Variants in ADARB2 observed in about 807,000 individuals in gnomAD.
ADARB2 encodes the protein adenosine deaminase RNA specific B2 (inactive).
Under a neutral mutation model 62.2 loss-of-function variants are expected in ADARB2, and 25 were observed. The ratio of observed to expected loss-of-function variants is 0.40; its 90% CI spans 0.29 to 0.56. The LOEUF (loss-of-function observed/expected upper bound fraction) is 0.56, where lower values mean the gene tolerates loss of function less well. ADARB2 is among the 20% of genes least tolerant of loss of function. ADARB2 has a pLI of 0.43. For synonymous variants in ADARB2, 572 were observed against 500.8 expected, an observed-to-expected ratio of 1.14 and a Z score of -1.90; for missense variants, 1,071 against 1,077.4, an observed-to-expected ratio of 0.99 and a Z score of 0.08.
chr10:1,284,887 GCCC>G (rs1240235506), intron 3 of ADARB2, among the ~76,000 whole-genome samples: 40 of 152,236 alleles, frequency 2.6e-4, no homozygotes, highest in African/African-American at 9.1e-4. Context: ...TCATGGTCTG[GCCC>G]ACCTTCAGTC....
chr10:1,475,552 G>T (rs1437279460), intron 1 of ADARB2, among the ~76,000 whole-genome samples: 1 of 152,212 alleles, frequency 6.6e-6, no homozygotes, highest in African/African-American at 2.4e-5. Context: ...TGCCCCAGAT[G>T]AATTTGAAAA....
intron 3 of ADARB2, among the ~76,000 whole-genome samples, chr10:1,355,022 G>A (rs968201086): frequency 2.0e-5 from 3 of 152,082 alleles, no homozygotes; most frequent in Non-Finnish European, 4.4e-5. Context: ...GCACCTCCCT[G>A]AGGGCTCCCA....
At chr10:1,328,165 A>C (rs1276333035) in intron 3 of ADARB2, among the ~76,000 whole-genome samples, 1 of 152,184 alleles carries the variant, frequency 6.6e-6, no homozygotes, top group Non-Finnish European at 1.5e-5. Context: ...GAAATAGAGG[A>C]GTCAGTGTGT....
rs115957427 is a variant in ADARB2 at position 1,553,169 on chromosome 10, G to A, written c.101-174009C>T. On this transcript the variant is annotated intron_variant, in intron 1 of 9. Transcript: ENST00000381312. ...TGGCTCATAACATTGGGAAATGACTGTTTTAATCGTTAATTACCAAAAAAA... is the reference window on the plus strand; with the variant it reads ...TGGCTCATAACATTGGGAAATGACTATTTTAATCGTTAATTACCAAAAAAA... 4.7e-3 allele frequency among the ~76,000 whole-genome samples: 716 copies of A among 152,334 alleles called. 2 individuals are homozygous for A. Among genetic ancestry groups the A allele is most frequent in the Middle Eastern group, 0.014 (4 of 294 alleles).
At chr10:1,589,635 G>A (rs1443843442) in intron 1 of ADARB2, among the ~76,000 whole-genome samples, 4 of 152,166 alleles carry the variant, frequency 2.6e-5, no homozygotes, top group East Asian at 1.9e-4. Context: ...TTCTGTCCTC[G>A]GCTGCTTGTC....
chr10:1,291,041 G>T (rs1447282512), intron 3 of ADARB2: 1 of 152,164 alleles, frequency 6.6e-6, no homozygotes, highest in African/African-American at 2.4e-5. Context: ...GATTTAAAAA[G>T]ATAAAAACCA....
chr10:1,520,838 C>T (rs1196791058), intron 1 of ADARB2, among the ~76,000 whole-genome samples: 1 of 152,214 alleles, frequency 6.6e-6, no homozygotes, highest in Non-Finnish European at 1.5e-5. Flanking sequence ...ATGTTGATAT[C>T]AAATGATATT....
intron 1 of ADARB2, among the ~76,000 whole-genome samples, chr10:1,663,351 C>A (rs887696554): frequency 6.6e-6 from 1 of 152,146 alleles, no homozygotes; most frequent in African/African-American, 2.4e-5. Flanking sequence ...CTGAGAATTG[C>A]GACAAGTGCA....
At chr10:1,701,952 G>C (rs1564199020) in intron 1 of ADARB2, among the ~76,000 whole-genome samples, 1 of 152,364 alleles carries the variant, frequency 6.6e-6, no homozygotes, top group South Asian at 2.1e-4. Flanking sequence ...CCATGGTATA[G>C]AGGCGTGTGT....
chr10:1,286,012 A>C (rs1448907063), intron 3 of ADARB2, among the ~76,000 whole-genome samples: 5 of 135,624 alleles, frequency 3.7e-5, no homozygotes, highest in African/African-American at 1.4e-4. Flanking sequence ...GGAATCCAGG[A>C]CCGTTGCCCC....
intron 1 of ADARB2, among the ~76,000 whole-genome samples, chr10:1,550,612 C>T (rs549648811): frequency 2.4e-4 from 37 of 152,318 alleles, no homozygotes; most frequent in Non-Finnish European, 4.9e-4. Flanking sequence ...AGGTTGCAGC[C>T]ACACAGACCG....
At chr10:1,528,938 A>G (rs1445827252) in intron 1 of ADARB2, among the ~76,000 whole-genome samples, 6 of 151,902 alleles carry the variant, frequency 3.9e-5, no homozygotes, top group Admixed American at 2.6e-4. Context: ...GTCCCTTCCT[A>G]GGTTCCCACG....
At chr10:1,186,406 C>T (rs549415383) in intron 8 of ADARB2, 7 of 487,152 alleles carry the variant, frequency 1.4e-5, no homozygotes, top group African/African-American at 1.4e-4. Flanking sequence ...CCACTCACAG[C>T]AGTGGTGTTG....
intron 1 of ADARB2, among the ~76,000 whole-genome samples, chr10:1,653,174 A>T (rs977645324): frequency 2.6e-5 from 4 of 152,068 alleles, no homozygotes; most frequent in African/African-American, 9.6e-5. Flanking sequence ...CGTCCAGGGG[A>T]AATATGGGGC....
intron 1 of ADARB2, among the ~76,000 whole-genome samples, chr10:1,403,357 G>T (rs771223109): frequency 6.6e-6 from 1 of 152,182 alleles, no homozygotes; most frequent in African/African-American, 2.4e-5. Flanking sequence ...TTCAGTCATT[G>T]CGGGGGCCCT....
chr10:1,411,382 G>C (rs1358633926), intron 1 of ADARB2, among the ~76,000 whole-genome samples: 1 of 152,226 alleles, frequency 6.6e-6, no homozygotes, highest in East Asian at 1.9e-4. Flanking sequence ...GGCGGGACCA[G>C]CCCACAGCAC....
intron 3 of ADARB2, among the ~76,000 whole-genome samples, chr10:1,311,470 G>A (rs1454943220): frequency 6.6e-6 from 1 of 151,458 alleles, no homozygotes; most frequent in Non-Finnish European, 1.5e-5. Context: ...GTTCTTCCGG[G>A]AAATGAAAAA....
chr10:1,215,311 G>C (rs781534276), intron 7 of ADARB2, among the ~76,000 whole-genome samples: 3 of 152,230 alleles, frequency 2.0e-5, no homozygotes, highest in Non-Finnish European at 4.4e-5. Flanking sequence ...TTTTGAAGAG[G>C]ATTTTACGGG....
At position 1,423,814 on chromosome 10, in the gene ADARB2, A is replaced by G. The variant is rs555237686; in HGVS notation, c.101-44654T>C. On this transcript the variant is annotated intron_variant, in intron 1 of 9. Coordinates refer to ENST00000381312, the MANE Select transcript of ADARB2 (RefSeq NM_018702.4). Reference sequence around the variant, plus strand: ...CCACTATGCATGCAGTAAGATCACTATGTATACAGTAAATCCACTACGTAT... The same window carrying G: ...CCACTATGCATGCAGTAAGATCACTGTGTATACAGTAAATCCACTACGTAT... Among the ~76,000 whole-genome samples, 5 of 151,880 alleles carry G rather than the reference A, an allele frequency of 3.3e-5. 1 individual carries two copies. The highest frequency in any genetic ancestry group is 2.1e-4 in the South Asian group (1 of 4,798).
Sources: allele counts gnomAD v4.1 joint callset (sites outside exome capture counted in the v4.1 genomes callset), GRCh38; gene constraint gnomAD v4.1.1; transcripts MANE v1.5; gene names NCBI Gene and HGNC (gene_info 2026-07-23, HGNC 2026-07-21).